The following SWT1 variants were observed in gnomAD, a reference collection of about 807,000 sequenced individuals.
SWT1 encodes transcriptional protein SWT1.
SWT1 carries 33 observed loss-of-function variants against 107.3 expected under a neutral mutation model. The ratio of observed to expected loss-of-function variants is 0.31; its 90% CI spans 0.23 to 0.41. The LOEUF is 0.41. Among genes scored for constraint, SWT1 ranks in the 10% least tolerant of loss-of-function variants. SWT1 has a pLI of 1.00. For missense variants in SWT1, 898 were observed against 1,028.9 expected (o/e 0.87, Z 1.74); for synonymous variants, 345 against 348.3 (o/e 0.99, Z 0.11).
Position 185,221,844 on chromosome 1 carries a change from C to T in SWT1, c.2122-5C>T, listed in dbSNP as rs1342781536. ...CTGCATTTTATGTAATTCTTATTTC[C>T]CCAGGTCAAGACAAAACTTAAGCCA... is the stretch of plus-strand genomic sequence containing the variant. On this transcript the variant is annotated splice_polypyrimidine_tract_variant and splice_region_variant and intron_variant, in intron 14 of 18. Coordinates refer to ENST00000367500, the MANE Select transcript of SWT1 (RefSeq NM_017673.7). 1.3e-6 allele frequency: 2 copies of T among 1,542,262 alleles called. No homozygotes were observed. The highest frequency in any genetic ancestry group is 1.7e-6 in the Non-Finnish European group (2 of 1,147,892).
At chr1:185,161,488 T>C (rs1654142224) in intron 2 of SWT1, among the ~76,000 whole-genome samples, 1 of 151,930 alleles carries the variant, frequency 6.6e-6, no homozygotes, top group African/African-American at 2.4e-5. Flanking sequence ...GAGGATCACT[T>C]GACCCAGGAG....
At chr1:185,163,710 T>C (rs2146329) in intron 2 of SWT1, among the ~76,000 whole-genome samples, 78,635 of 152,086 alleles carry the variant, frequency 0.52, 22,062 homozygotes, top group African/African-American at 0.75. Flanking sequence ...AAAGTTTTAT[T>C]ATGAGATGAT....
chr1:185,256,436 G>T (rs1662529055), intron 16 of SWT1, among the ~76,000 whole-genome samples: 2 of 151,370 alleles, frequency 1.3e-5, no homozygotes, highest in South Asian at 4.2e-4. Flanking sequence ...CGTAGATTTG[G>T]TCTTTTCACA....
intron 16 of SWT1, among the ~76,000 whole-genome samples, chr1:185,249,471 G>A (rs1191630456): frequency 6.6e-6 from 1 of 152,040 alleles, no homozygotes; most frequent in Non-Finnish European, 1.5e-5. Context: ...ACATCCCCAA[G>A]TCTTATCCCT....
chr1:185,214,240 T>C (rs1209399206), intron 13 of SWT1, among the ~76,000 whole-genome samples: 1 of 152,110 alleles, frequency 6.6e-6, no homozygotes, highest in Non-Finnish European at 1.5e-5. Flanking sequence ...GTAATATTCT[T>C]TAACTTTACT....
intron 3 of SWT1, among the ~76,000 whole-genome samples, chr1:185,166,966 G>A (rs542625133): frequency 6.6e-6 from 1 of 152,096 alleles, no homozygotes; most frequent in South Asian, 2.1e-4. Flanking sequence ...GGAGTGCAGT[G>A]GTGCCACCTT....
rs543078540 is a variant in SWT1 at position 185,215,626 on chromosome 1, C to G, written c.2121+971C>G. On this transcript the variant is annotated intron_variant, in intron 14 of 18. Transcript: ENST00000367500. ...CGATCAGGGCTCACTGCAACCTCCA[C>G]CTACTGGGCTTAAGTGATTCTTCCA... 3.3e-5 allele frequency among the ~76,000 whole-genome samples: 5 copies of G among 152,258 alleles called. No homozygotes were observed. The East Asian group carries it at 9.6e-4, about 29-fold the overall frequency.
intron 13 of SWT1, among the ~76,000 whole-genome samples, 198 bp from the exon 14 acceptor site, chr1:185,214,309 A>C (rs1157553592): frequency 6.6e-6 from 1 of 152,186 alleles, no homozygotes; most frequent in Non-Finnish European, 1.5e-5. Flanking sequence ...AGAATACCAG[A>C]ATCAACTCAA....
rs1254900158 is a variant in SWT1, at chr1:185,239,932, T to C, written c.2441+8224T>C. Among the ~76,000 whole-genome samples, 12 of 152,172 alleles carry C rather than the reference T, an allele frequency of 7.9e-5. No homozygotes were observed. In the East Asian group the frequency reaches 2.3e-3, roughly 29 times the overall value. On this transcript the variant is annotated intron_variant, in intron 16 of 18. Transcript: ENST00000367500. ...ATAGGGAAAGTTCTACTTTCTATAT[T>C]GATCAAAAACATTGTCTACATGTAT...
At chr1:185,264,600 C>T (rs1663247917) in intron 16 of SWT1, 1 of 309,974 alleles carries the variant, frequency 3.2e-6, no homozygotes, top group Admixed American at 6.5e-5. Flanking sequence ...TATTGTTGTC[C>T]CTGTTTTACA....
At chr1:185,183,137 C>CA (rs748414194) in intron 7 of SWT1, among the ~76,000 whole-genome samples, 188 of 115,462 alleles carry the variant, frequency 1.6e-3, no homozygotes, top group Middle Eastern at 9.6e-3. Context: ...AAATCCATCT[C>CA]AAAAAAAAAA....
chr1:185,209,715 T>G (rs1217690615), intron 13 of SWT1, among the ~76,000 whole-genome samples: 1 of 152,236 alleles, frequency 6.6e-6, no homozygotes, highest in African/African-American at 2.4e-5. Flanking sequence ...GGTAGAATGA[T>G]TTATAATCCT....
At chr1:185,263,148 C>T (rs1471584250) in intron 16 of SWT1, 1 of 152,176 alleles carries the variant, frequency 6.6e-6, no homozygotes, top group East Asian at 1.9e-4. Flanking sequence ...CCAATGGCTT[C>T]ATTTACTCTA....
intron 18 of SWT1, among the ~76,000 whole-genome samples, chr1:185,283,229 C>T (rs1441946319): frequency 6.6e-6 from 1 of 152,130 alleles, no homozygotes; most frequent in Non-Finnish European, 1.5e-5. Flanking sequence ...AAAGTGAATT[C>T]CATAAGACAC....
At chr1:185,256,547 A>T (rs1022506364) in intron 16 of SWT1, among the ~76,000 whole-genome samples, 137 of 146,946 alleles carry the variant, frequency 9.3e-4, no homozygotes, top group African/African-American at 3.5e-3. Context: ...TCCATTGCTG[A>T]TACCCTTTCT....
chr1:185,217,897 A>G (rs556854683), intron 14 of SWT1, among the ~76,000 whole-genome samples: 35 of 152,240 alleles, frequency 2.3e-4, no homozygotes, highest in African/African-American at 8.4e-4. Context: ...CACCCAGCCA[A>G]TTATTTCATT....
At chr1:185,250,317 G>T (rs1267800574) in intron 16 of SWT1, among the ~76,000 whole-genome samples, 1 of 152,114 alleles carries the variant, frequency 6.6e-6, no homozygotes, top group African/African-American at 2.4e-5. Flanking sequence ...GGCCTTTTGT[G>T]TATCTGAATG....
chr1:185,195,350 A>C (rs920639435), intron 10 of SWT1, among the ~76,000 whole-genome samples: 1 of 152,202 alleles, frequency 6.6e-6, no homozygotes, highest in Non-Finnish European at 1.5e-5. Flanking sequence ...ATGGCTGCAT[A>C]GTATTCCATG....
chr1:185,188,363 A>T (rs544891595), intron 9 of SWT1, among the ~76,000 whole-genome samples: 26 of 152,342 alleles, frequency 1.7e-4, no homozygotes, highest in Middle Eastern at 3.4e-3. Flanking sequence ...GCCTCCTTTT[A>T]TCTGCTGAAT....
Sources: gnomAD v4.1 joint callset for allele counts (sites outside exome capture counted in the v4.1 genomes callset) on GRCh38, gnomAD v4.1.1 for gene constraint, MANE v1.5 for transcripts, NCBI Gene and HGNC (gene_info 2026-07-23, HGNC 2026-07-21) for gene names.